The following CFAP299 variants were observed in gnomAD, a reference collection of about 807,000 sequenced individuals.
CFAP299 encodes cilia and flagella associated protein 299, also known as cilia- and flagella-associated protein 299.
CFAP299 carries 21 observed loss-of-function variants against 27.0 expected under a neutral mutation model. The observed-to-expected ratio is 0.78, with a 90% CI of 0.55 to 1.12. The LOEUF (loss-of-function observed/expected upper bound fraction) is 1.12, where lower values mean the gene tolerates loss of function less well. Among genes scored for constraint, CFAP299 ranks in the 50% most tolerant of loss-of-function variants. The pLI is 0.00. For missense variants in CFAP299, 310 were observed against 276.6 expected, an observed-to-expected ratio of 1.12 and a Z score of -0.86; for synonymous variants, 104 against 98.1, an observed-to-expected ratio of 1.06 and a Z score of -0.36.
At chr4:80,867,847 T>C (rs1158939918) in intron 3 of CFAP299, among the ~76,000 whole-genome samples, 2 of 152,254 alleles carry the variant, frequency 1.3e-5, no homozygotes, top group African/African-American at 2.4e-5. Context: ...GAGGACACAA[T>C]TGAACCCATG....
intron 2 of CFAP299, among the ~76,000 whole-genome samples, chr4:80,456,271 A>G (rs907402864): frequency 6.6e-6 from 1 of 152,096 alleles, no homozygotes. Context: ...TGTACCTTTC[A>G]CTTTTGAGAT....
At chr4:80,423,717 T>C (rs1317127938) in intron 2 of CFAP299, among the ~76,000 whole-genome samples, 1 of 152,220 alleles carries the variant, frequency 6.6e-6, no homozygotes, top group Non-Finnish European at 1.5e-5. Flanking sequence ...TTGGTCAGTG[T>C]TTCTTTCTCT....
chr4:80,735,412 A>G (rs1225916109), intron 3 of CFAP299, among the ~76,000 whole-genome samples: 1 of 152,044 alleles, frequency 6.6e-6, no homozygotes, highest in Non-Finnish European at 1.5e-5. Flanking sequence ...TTCTTTTCCA[A>G]TTTGGATGTT....
intron 3 of CFAP299, among the ~76,000 whole-genome samples, chr4:80,799,677 A>AATATATAAAATATATAT (rs1560417099): frequency 1.0e-4 from 4 of 39,162 alleles, no homozygotes; most frequent in African/African-American, 5.0e-4. Context: ...ATAAATATAT[A>AATATATAAAATATATAT]TTTATAAATA....
intron 2 of CFAP299, among the ~76,000 whole-genome samples, chr4:80,531,961 G>C (rs1040347287): frequency 4.0e-5 from 6 of 151,854 alleles, no homozygotes; most frequent in Non-Finnish European, 8.8e-5. Flanking sequence ...CTCCATTGTC[G>C]GTCAGGCTAG....
At chr4:80,866,096 T>TATATATATATATATA (rs1732729159) in intron 3 of CFAP299, among the ~76,000 whole-genome samples, 6 of 130,416 alleles carry the variant, frequency 4.6e-5, no homozygotes, top group Non-Finnish European at 8.2e-5. Context: ...TATATATATA[T>TATATATATATATATA]CTTCCCAAAT....
intron 3 of CFAP299, among the ~76,000 whole-genome samples, chr4:80,646,328 G>C (rs1252354880): frequency 6.6e-6 from 1 of 152,124 alleles, no homozygotes; most frequent in Admixed American, 6.5e-5. Context: ...AAATTCTTTT[G>C]CTGTGGCTTT....
chr4:80,893,664 CAAAA>C (rs202113225), intron 4 of CFAP299, among the ~76,000 whole-genome samples: 4 of 132,422 alleles, frequency 3.0e-5, no homozygotes, highest in African/African-American at 8.0e-5. Context: ...TGAATACATG[CAAAA>C]AAAAAAAGAA....
intron 3 of CFAP299, among the ~76,000 whole-genome samples, chr4:80,594,056 CT>C (rs1408249623): frequency 6.6e-6 from 1 of 152,116 alleles, no homozygotes; most frequent in Admixed American, 6.6e-5. Flanking sequence ...ATGCTCATTC[CT>C]TTTCTTCCTT....
chr4:80,691,662 C>G (rs2110016816), intron 3 of CFAP299, among the ~76,000 whole-genome samples: 1 of 150,444 alleles, frequency 6.6e-6, no homozygotes, highest in Admixed American at 6.6e-5. Flanking sequence ...CTCACCACTC[C>G]TATTCAACAT....
chr4:80,602,449 G>A (rs928211316), intron 3 of CFAP299, among the ~76,000 whole-genome samples: 3 of 152,026 alleles, frequency 2.0e-5, no homozygotes, highest in South Asian at 2.1e-4. Context: ...AATGGAAAAC[G>A]ATGTAATTTT....
At chr4:80,726,263 A>G (rs190584267) in intron 3 of CFAP299, among the ~76,000 whole-genome samples, 6 of 152,270 alleles carry the variant, frequency 3.9e-5, no homozygotes, top group Admixed American at 3.3e-4. Flanking sequence ...TTTCTCTATG[A>G]CACAATTAGA....
chr4:80,617,214 G>A (rs1223792993), intron 3 of CFAP299, among the ~76,000 whole-genome samples: 1 of 152,248 alleles, frequency 6.6e-6, no homozygotes, highest in African/African-American at 2.4e-5. Flanking sequence ...AGATGTAACA[G>A]GAGATTAGTT....
intron 3 of CFAP299, among the ~76,000 whole-genome samples, chr4:80,737,796 GTTT>G (rs1324066593): frequency 6.6e-6 from 1 of 151,870 alleles, no homozygotes; most frequent in African/African-American, 2.4e-5. Flanking sequence ...TTAAAACCCA[GTTT>G]TTTATTTCAG....
At chr4:80,944,730 T>A in intron 4 of CFAP299, 80 bp from the exon 5 acceptor site, 1 of 1,065,516 alleles carries the variant, frequency 9.4e-7, no homozygotes, top group Non-Finnish European at 1.4e-6. Flanking sequence ...TGACTGAACT[T>A]CCCCAAATAG....
intron 3 of CFAP299, among the ~76,000 whole-genome samples, chr4:80,623,067 G>A (rs1738687738): frequency 6.6e-6 from 1 of 152,024 alleles, no homozygotes; most frequent in African/African-American, 2.4e-5. Flanking sequence ...GTGACTGACC[G>A]ATCTCATCAG....
chr4:80,676,669 A>T (rs1002936910), intron 3 of CFAP299, among the ~76,000 whole-genome samples: 12 of 151,932 alleles, frequency 7.9e-5, no homozygotes, highest in African/African-American at 2.7e-4. Context: ...CTTCTTCATG[A>T]TTCAATCTCG....
chr4:80,346,789 G>GT (rs1332917546), intron 1 of CFAP299, among the ~76,000 whole-genome samples: 2 of 152,270 alleles, frequency 1.3e-5, no homozygotes, highest in East Asian at 1.9e-4. Flanking sequence ...CTTTAAAGTA[G>GT]TTTTTTCCAA....
intron 2 of CFAP299, among the ~76,000 whole-genome samples, chr4:80,450,678 G>C (rs1373706235): frequency 1.3e-5 from 2 of 151,586 alleles, no homozygotes; most frequent in Admixed American, 6.6e-5. Context: ...CTGAATATTT[G>C]AGATGTTCAT....
Sources: allele counts gnomAD v4.1 joint callset (sites outside exome capture counted in the v4.1 genomes callset), GRCh38; gene constraint gnomAD v4.1.1; transcripts MANE v1.5; gene names NCBI Gene and HGNC (gene_info 2026-07-23, HGNC 2026-07-21).